The following THOC2 variants were observed in gnomAD, a reference collection of about 807,000 sequenced individuals.
THOC2 encodes THO complex 2.
In THOC2, 10 loss-of-function variants were observed where a neutral mutation model predicts 128.4. That is an observed-to-expected ratio of 0.08 (90% CI 0.05 to 0.13). THOC2 has a LOEUF of 0.13. Among genes scored for constraint, THOC2 ranks in the 10% least tolerant of loss-of-function variants. The probability of loss-of-function intolerance (pLI) is 1.00; values close to 1 mark genes in which losing one functional copy is unlikely to be tolerated. For synonymous variants in THOC2, 393 were observed against 396.9 expected (o/e 0.99, Z 0.12); for missense variants, 535 against 1,155.7 (o/e 0.46, Z 7.79).
chrX:123,622,418 A>G (rs907933721), intron 30 of THOC2, among the ~76,000 whole-genome samples: 1 of 112,780 alleles, frequency 8.9e-6, no homozygotes, highest in African/African-American at 3.2e-5. Context: ...TTATACAAGC[A>G]TAACTATACA....
At chrX:123,625,366 G>C (rs1396904999) in intron 25 of THOC2, among the ~76,000 whole-genome samples, 4 of 111,707 alleles carry the variant, frequency 3.6e-5, no homozygotes, top group African/African-American at 1.3e-4. Flanking sequence ...CCGAAGTACT[G>C]GGATTACAGG....
At chrX:123,649,464 T>C (rs368993885) in intron 12 of THOC2, among the ~76,000 whole-genome samples, 5 of 111,063 alleles carry the variant, frequency 4.5e-5, no homozygotes, top group African/African-American at 6.5e-5. Flanking sequence ...GTTTGAGGAA[T>C]TGACAGAAGT....
At chrX:123,664,555 G>C (rs777580495) in intron 12 of THOC2, among the ~76,000 whole-genome samples, 15 of 112,277 alleles carry the variant, frequency 1.3e-4, no homozygotes, top group African/African-American at 4.8e-4. Flanking sequence ...GATATGAACA[G>C]ACACTTCTCA....
chrX:123,697,986 G>C (rs758968561), intron 4 of THOC2, among the ~76,000 whole-genome samples: 12 of 110,586 alleles, frequency 1.1e-4, no homozygotes, highest in Non-Finnish European at 1.9e-4. Context: ...AACTACACTG[G>C]AGCTACCTGC....
intron 8 of THOC2, among the ~76,000 whole-genome samples, chrX:123,673,838 T>C (rs1416710753): frequency 8.9e-6 from 1 of 111,828 alleles, no homozygotes; most frequent in African/African-American, 3.2e-5. Context: ...TGTGGCAGTT[T>C]TCTTTTTGCT....
intron 2 of THOC2, among the ~76,000 whole-genome samples, chrX:123,708,265 CTAA>C (rs1429943471): frequency 1.8e-5 from 2 of 111,568 alleles, no homozygotes; most frequent in Non-Finnish European, 3.8e-5. Flanking sequence ...TTTGCTATTG[CTAA>C]TAATTATTCC....
intron 8 of THOC2, among the ~76,000 whole-genome samples, chrX:123,676,214 T>C (rs2049484264): frequency 8.9e-6 from 1 of 112,635 alleles, no homozygotes; most frequent in Admixed American, 9.4e-5. Flanking sequence ...ACAATAATTG[T>C]GCCTTTAAGT....
Position 123,708,999 on chromosome X carries a change from G to A in THOC2, c.131-2050C>T, listed in dbSNP as rs745735423. Among the ~76,000 whole-genome samples, 77 of 111,659 alleles carry A rather than the reference G, an allele frequency of 6.9e-4. 1 individual carries two copies. Among genetic ancestry groups the A allele is most frequent in the African/African-American group, 2.4e-3 (75 of 30,799 alleles). On this transcript the variant is annotated intron_variant, in intron 2 of 38. Coordinates refer to ENST00000245838, the MANE Select transcript of THOC2 (RefSeq NM_001081550.2). ...TGACCTCAAGTGATCCACCCGCTTTGGCCTCCCAAAGTGCTGGGATTATAG... is the reference window on the plus strand; with the variant it reads ...TGACCTCAAGTGATCCACCCGCTTTAGCCTCCCAAAGTGCTGGGATTATAG...
At chrX:123,636,056 T>C (rs781516293) in intron 19 of THOC2, 23 bp downstream of exon 19, 2 of 1,143,889 alleles carry the variant, frequency 1.7e-6, no homozygotes, top group Admixed American at 4.5e-5. Flanking sequence ...TGAATTTCAT[T>C]ATGTATAATT....
chrX:123,688,055 T>C (rs191703572), intron 7 of THOC2, among the ~76,000 whole-genome samples: 33 of 112,354 alleles, frequency 2.9e-4, no homozygotes, highest in African/African-American at 1.1e-3. Context: ...CTTTGTAAAA[T>C]TGGCAAGTTT....
chrX:123,731,743 T>C (rs993800620), intron 1 of THOC2, among the ~76,000 whole-genome samples: 2 of 108,029 alleles, frequency 1.9e-5, no homozygotes, highest in African/African-American at 6.8e-5. Flanking sequence ...CATACAGCAG[T>C]GCGGGGGGTG....
rs368332983 is a variant in THOC2 at position 123,715,019 on chromosome X, C to CTTTT, written c.72-2115_72-2112dup. Reference sequence around the variant, plus strand: ...AAGAGGAAATTTGTAGCAATAAAGGCTTTTTTTTTTTTTTTTTTGACACAG... The same window carrying CTTTT: ...AAGAGGAAATTTGTAGCAATAAAGGCTTTTTTTTTTTTTTTTTTTTTTGACACAG... On this transcript the variant is annotated intron_variant, in intron 1 of 38. Transcript: ENST00000245838. Among the ~76,000 whole-genome samples, 110 of 83,527 alleles carry CTTTT rather than the reference C, an allele frequency of 1.3e-3. 1 individual carries two copies. Among genetic ancestry groups the CTTTT allele is most frequent in the Non-Finnish European group, 2.3e-3 (102 of 44,037 alleles). 72.5% of individuals were successfully genotyped at this position (83,527 alleles called of 115,157 possible).
Position 123,613,411 on chromosome X carries a change from G to A in THOC2, c.4665C>T (p.Ser1555=), listed in dbSNP as rs775155192. 2 of 1,204,089 alleles carry A rather than the reference G, an allele frequency of 1.7e-6. No homozygotes were observed. The highest frequency in any genetic ancestry group is 2.2e-6 in the Non-Finnish European group (2 of 891,686). The part of the protein sequence containing the change: ...FKSEKMDKIS[S]GGKKESRHDK... The stretch of plus-strand genomic sequence containing the variant: ...TTTCCTAATTTACCTTTTTGCCACC[G>A]GAGGAGATTTTATCCATCTTCTCAG... Residue 1555 remains serine, a synonymous_variant, in exon 36 of 39, where the codon TCC becomes TCT. Coordinates refer to ENST00000245838, the MANE Select transcript of THOC2 (RefSeq NM_001081550.2).
intron 38 of THOC2, among the ~76,000 whole-genome samples, chrX:123,607,713 A>G (rs977226258): frequency 1.8e-5 from 2 of 110,511 alleles, no homozygotes; most frequent in Admixed American, 9.7e-5. Flanking sequence ...TGTTCTAAAA[A>G]CAATAATGAA....
intron 17 of THOC2, among the ~76,000 whole-genome samples, chrX:123,638,352 T>C (rs2047755853): frequency 1.8e-5 from 2 of 112,020 alleles, no homozygotes; most frequent in Non-Finnish European, 3.8e-5. Flanking sequence ...ACAGATTCCA[T>C]CAATATCAAG....
chrX:123,716,510 G>A (rs1342231032), intron 1 of THOC2, among the ~76,000 whole-genome samples: 2 of 111,048 alleles, frequency 1.8e-5, no homozygotes, highest in East Asian at 2.8e-4. Flanking sequence ...TGAATCACAA[G>A]GTAAGGAGAT....
At chrX:123,672,049 G>A (rs1165217665) in intron 8 of THOC2, among the ~76,000 whole-genome samples, 1 of 112,283 alleles carries the variant, frequency 8.9e-6, no homozygotes. Flanking sequence ...CAGCTGAATA[G>A]CATAAGTGAG....
intron 8 of THOC2, among the ~76,000 whole-genome samples, chrX:123,680,580 G>A (rs1157367239): frequency 3.7e-5 from 4 of 109,266 alleles, no homozygotes; most frequent in South Asian, 4.1e-4. Flanking sequence ...CAAGTCTCTC[G>A]TTCCACCTAA....
intron 7 of THOC2, among the ~76,000 whole-genome samples, chrX:123,689,383 T>G (rs1281786609): frequency 8.9e-6 from 1 of 112,168 alleles, no homozygotes; most frequent in Admixed American, 9.5e-5. Context: ...ATTTTATCCA[T>G]AAGATAGAAA....
Sources: gnomAD v4.1 joint callset for allele counts (sites outside exome capture counted in the v4.1 genomes callset) on GRCh38, gnomAD v4.1.1 for gene constraint, MANE v1.5 for transcripts, NCBI Gene and HGNC (gene_info 2026-07-23, HGNC 2026-07-21) for gene names.